Variants in OR4P4 observed in about 807,000 individuals in gnomAD.
OR4P4 encodes olfactory receptor 4P4.
A neutral mutation model predicts 2.1 loss-of-function variants in OR4P4; 1 was observed. The observed-to-expected ratio is 0.47, with a 90% CI of 0.17 to 2.21. OR4P4 has a LOEUF of 2.21. Ranked by LOEUF, OR4P4 falls within the 30% of genes most tolerant of loss-of-function variation. The pLI, the probability that OR4P4 is intolerant of heterozygous loss-of-function variation, is 0.27. For missense variants in OR4P4, 375 were observed against 376.5 expected, an observed-to-expected ratio of 1.00 and a Z score of 0.03; for synonymous variants, 129 against 133.2, an observed-to-expected ratio of 0.97 and a Z score of 0.22.
chr11:55,638,802 G>T lies in OR4P4; in HGVS notation c.445G>T (p.Gly149Trp), dbSNP rs370834429. ...CACAATCATCATAGTTTGTTGTACT[G>T]GGGGATTTATACATTCTGCCAGTCA... Residue 149 changes from glycine to tryptophan, a missense_variant, in exon 2 of 2, where the codon GGG becomes TGG. By Grantham distance (184) the Gly-to-Trp change is radical. Transcript: ENST00000641760. 4.0e-6 allele frequency: 6 copies of T among 1,491,814 alleles called. 1 individual carries two copies. The highest frequency in any genetic ancestry group is 1.9e-4 in the Middle Eastern group (1 of 5,312). 92.4% of individuals were successfully genotyped at this position (1,491,814 alleles called of 1,614,324 possible).
chr11:55,639,282 A>G, exon 2 of OR4P4: 1 of 1,427,678 alleles, frequency 7.0e-7, no homozygotes, highest in Non-Finnish European at 9.5e-7. Flanking sequence ...CCTGAAAAGA[A>G]ATCAACTTTT....
At position 55,640,163 on chromosome 11, in the gene OR4P4, A is replaced by C. The variant is rs1468049790; in HGVS notation, c.*867A>C. On this transcript the variant is annotated 3_prime_UTR_variant, in exon 2 of 2. Transcript: ENST00000641760. ...AATAATAATAATAATGATAATAATAATAATAATAATAATGTTTTTATCTTT... is the reference window on the plus strand; with the variant it reads ...AATAATAATAATAATGATAATAATACTAATAATAATAATGTTTTTATCTTT... The C allele has an allele frequency of 1.5e-5, 2 of 134,382 alleles. 1 individual carries two copies. Among genetic ancestry groups the C allele is most frequent in the African/African-American group, 5.1e-5 (2 of 39,132 alleles). 8.3% of individuals were successfully genotyped at this position (134,382 alleles called of 1,614,324 possible).
In OR4P4 at chr11:55,639,379, G is replaced by T. The variant is rs745632692; in HGVS notation, c.*83G>T. 7 of 775,282 alleles carry T rather than the reference G, an allele frequency of 9.0e-6. 2 individuals are homozygous for T. Among genetic ancestry groups the T allele is most frequent in the Non-Finnish European group, 1.4e-5 (7 of 508,462 alleles). The allele number at this position is 775,282 out of a possible 1,614,324, so 48.0% of individuals were successfully genotyped here. A position where few individuals can be genotyped will look rare whatever the true frequency, so the allele number is the denominator to read the frequency against. The stretch of plus-strand genomic sequence containing the variant: ...CTTGCTCTTGTCCTTAATGTTTGGA[G>T]AGAAAAGTGGGCAAACAGGAAGCAT... On this transcript the variant is annotated 3_prime_UTR_variant, in exon 2 of 2. Coordinates refer to ENST00000641760, the Ensembl canonical transcript of OR4P4.
intron 1 of OR4P4, among the ~76,000 whole-genome samples, chr11:55,636,219 C>A (rs1489141839): frequency 7.3e-6 from 1 of 137,360 alleles, no homozygotes; most frequent in African/African-American, 2.5e-5. Context: ...CTTACGGGGA[C>A]AATAGCTGAA....
rs768787436 is a variant in OR4P4, at chr11:55,638,731, G to A, written c.374G>A (p.Cys125Tyr). The A allele has an allele frequency of 1.3e-4, 191 of 1,492,464 alleles. 36 individuals are homozygous for A. Among genetic ancestry groups the A allele is most frequent in the Non-Finnish European group, 1.7e-4 (183 of 1,097,650 alleles). 92.5% of individuals were successfully genotyped at this position (1,492,464 alleles called of 1,614,324 possible). A position where few individuals can be genotyped will look rare whatever the true frequency, so the allele number is the denominator to read the frequency against. ...GCCTATGACCGCTATGTGGCCATTT[G>A]CAAGCCCCTGCACTACACCATTATT... Residue 125 changes from cysteine to tyrosine, a missense_variant, in exon 2 of 2, where the codon TGC (cysteine) becomes TAC (tyrosine). Cys to Tyr is a radical substitution (Grantham distance 194). Transcript: ENST00000641760.
At chr11:55,639,061 T>C in exon 2 of OR4P4, 1 of 1,492,480 alleles carries the variant, frequency 6.7e-7, no homozygotes, top group Non-Finnish European at 9.1e-7. Flanking sequence ...AGCAAAGCTC[T>C]TGCCACTTGT....
At chr11:55,638,493 T>A in exon 2 of OR4P4, 1 of 1,482,354 alleles carries the variant, frequency 6.7e-7, no homozygotes, top group South Asian at 1.2e-5. Context: ...CATAATGATT[T>A]CTATCACGTG....
rs552196850 is a variant in OR4P4, at chr11:55,637,136, T to C, written c.-30-1192T>C. On this transcript the variant is annotated intron_variant, in intron 1 of 1. Coordinates refer to ENST00000641760, the Ensembl canonical transcript of OR4P4. ...AGACAACAATTATAGGGATTCAAAT[T>C]ACGTTGTTAGTAAACTTACAGTAAA... Among the ~76,000 whole-genome samples the C allele has an allele frequency of 1.1e-4, 15 of 138,190 alleles. 2 individuals are homozygous for C. In the East Asian group the frequency reaches 3.5e-3, roughly 32 times the overall value. The allele number at this position is 138,190 out of a possible 152,430, so 90.7% of individuals were successfully genotyped here. A position where few individuals can be genotyped will look rare whatever the true frequency, so the allele number is the denominator to read the frequency against.
Position 55,638,666 on chromosome 11 carries a change from T to C in OR4P4, c.309T>C (p.His103=), listed in dbSNP as rs1858419548. The stretch of plus-strand genomic sequence containing the variant: ...GTATGATACAACTCTTTACCACCCA[T>C]TTTTTTGGAGGCATAGAGATCTTCA... The change falls in exon 2 of 2, where the codon CAT becomes CAC. Residue 103 remains histidine, a synonymous_variant. Coordinates refer to ENST00000641760, the Ensembl canonical transcript of OR4P4. 1.1e-5 allele frequency: 17 copies of C among 1,490,368 alleles called. 6 individuals carry two copies. The highest frequency in any genetic ancestry group is 2.4e-5 in the South Asian group (2 of 84,866). 92.3% of individuals were successfully genotyped at this position (1,490,368 alleles called of 1,614,324 possible). A position where few individuals can be genotyped will look rare whatever the true frequency, so the allele number is the denominator to read the frequency against.
chr11:55,635,534 G>T (rs1858377370), intron 1 of OR4P4, among the ~76,000 whole-genome samples: 1 of 136,974 alleles, frequency 7.3e-6, no homozygotes, highest in Non-Finnish European at 1.6e-5. Flanking sequence ...TGCATAAGTT[G>T]GGGAAAATAG....
rs1213869438 is a variant in OR4P4 at position 55,638,292 on chromosome 11, C to T, written c.-30-36C>T. 5.2e-5 allele frequency: 40 copies of T among 772,660 alleles called. 7 individuals carry two copies. Among genetic ancestry groups the T allele is most frequent in the Non-Finnish European group, 7.3e-5 (37 of 504,014 alleles). 47.9% of individuals were successfully genotyped at this position (772,660 alleles called of 1,614,324 possible). The stretch of plus-strand genomic sequence containing the variant: ...AAAATATGATCATTGTACTTCTTAA[C>T]AAAGACTTGTAAGCTTATAAATTAT... On this transcript the variant is annotated intron_variant, in intron 1 of 1. Transcript: ENST00000641760.
At chr11:55,639,360 C>A in exon 2 of OR4P4, 1 of 916,234 alleles carries the variant, frequency 1.1e-6, no homozygotes, top group Non-Finnish European at 1.6e-6. Flanking sequence ...TCATCTTGCT[C>A]TTGTCCTTAA....
Position 55,638,311 on chromosome 11 carries a change from A to C in OR4P4, c.-30-17A>C. The C allele has an allele frequency of 1.2e-6, 1 of 867,120 alleles. No individual in the cohort carries two copies. The highest frequency in any genetic ancestry group is 1.7e-6 in the Non-Finnish European group (1 of 584,348). 53.7% of individuals were successfully genotyped at this position (867,120 alleles called of 1,614,324 possible). On this transcript the variant is annotated splice_polypyrimidine_tract_variant and intron_variant, in intron 1 of 1. Coordinates refer to ENST00000641760, the Ensembl canonical transcript of OR4P4. ...TCTTAACAAAGACTTGTAAGCTTAT[A>C]AATTATGTCATTTCAGGTGACTTAT...
Position 55,640,009 on chromosome 11 carries a change from C to G in OR4P4, c.*713C>G, listed in dbSNP as rs1483663699. The G allele has an allele frequency of 2.2e-5, 3 of 134,802 alleles. 1 individual carries two copies. Among genetic ancestry groups the G allele is most frequent in the Non-Finnish European group, 4.9e-5 (3 of 61,362 alleles). The allele number at this position is 134,802 out of a possible 1,614,324, so 8.4% of individuals were successfully genotyped here. ...ATTAGCTGGGCGCAGGGGCGAGCAC[C>G]TGTAATCCCAGCTACTCGAGAGGCT... is the stretch of plus-strand genomic sequence containing the variant. On this transcript the variant is annotated 3_prime_UTR_variant, in exon 2 of 2. Transcript: ENST00000641760.
At chr11:55,636,384 T>A (rs1858388690) in intron 1 of OR4P4, among the ~76,000 whole-genome samples, 1 of 138,242 alleles carries the variant, frequency 7.2e-6, no homozygotes, top group South Asian at 2.3e-4. Context: ...TGGCCTAATT[T>A]ATAGTTCTAT....
At chr11:55,636,738 C>T (rs17146846) in intron 1 of OR4P4, among the ~76,000 whole-genome samples, 3,063 of 137,716 alleles carry the variant, frequency 0.022, 387 homozygotes, top group African/African-American at 0.073. Context: ...ATTAGCACAA[C>T]GATATCATCC....
At chr11:55,638,045 A>T (rs1858408696) in intron 1 of OR4P4, among the ~76,000 whole-genome samples, 1 of 138,306 alleles carries the variant, frequency 7.2e-6, no homozygotes, top group African/African-American at 2.5e-5. Context: ...GACTTTGGAA[A>T]TAAACATTCC....
At chr11:55,640,096 G>C (rs558760233) in exon 2 of OR4P4, 3 of 134,292 alleles carry the variant, frequency 2.2e-5, no homozygotes, top group South Asian at 5.0e-4. Flanking sequence ...ATCATGCCAC[G>C]GCACTCTAGC....
At chr11:55,638,307 T>C (rs1471296892) in intron 1 of OR4P4, 21 bp from the exon 2 acceptor site, 1 of 843,838 alleles carries the variant, frequency 1.2e-6, no homozygotes, top group Non-Finnish European at 1.8e-6. Flanking sequence ...ACTTGTAAGC[T>C]TATAAATTAT....
Sources: allele counts gnomAD v4.1 joint callset (sites outside exome capture counted in the v4.1 genomes callset), GRCh38; gene constraint gnomAD v4.1.1; transcripts MANE v1.5; gene names NCBI Gene and HGNC (gene_info 2026-07-23, HGNC 2026-07-21).